The following SPEF2 variants were observed in gnomAD, a reference collection of about 807,000 sequenced individuals.
SPEF2 encodes the protein sperm flagellar and cilia associated 2.
A neutral mutation model predicts 224.6 loss-of-function variants in SPEF2; 187 were observed. The ratio of observed to expected loss-of-function variants is 0.83; its 90% CI spans 0.74 to 0.94. The LOEUF (loss-of-function observed/expected upper bound fraction) is 0.94. Ranked by LOEUF, SPEF2 falls within the 40% of genes least tolerant of loss-of-function variation. The pLI, the probability that SPEF2 is intolerant of heterozygous loss-of-function variation, is 0.00. For missense variants in SPEF2, 2,170 were observed against 2,135.6 expected (o/e 1.02, Z -0.32); for synonymous variants, 715 against 707.3 (o/e 1.01, Z -0.17).
intron 27 of SPEF2, among the ~76,000 whole-genome samples, chr5:35,773,395 T>C (rs1429233081): frequency 6.6e-6 from 1 of 152,052 alleles, no homozygotes; most frequent in East Asian, 1.9e-4. Context: ...AATAATCATA[T>C]TTAAAGAGAT....
Position 35,741,208 on chromosome 5 carries a change from G to C in SPEF2, c.3330+941G>C, listed in dbSNP as rs1034192109. The stretch of plus-strand genomic sequence containing the variant: ...AGTGAATGTGTCCTTAGTCATAAGA[G>C]CTATGTAGAGAGCAAGAAAGCAAAG... On this transcript the variant is annotated intron_variant, in intron 23 of 36. Coordinates refer to ENST00000356031, the MANE Select transcript of SPEF2 (RefSeq NM_024867.4). Among the ~76,000 whole-genome samples, 4 of 152,194 alleles carry C rather than the reference G, an allele frequency of 2.6e-5. No individual in the cohort carries two copies. The East Asian group carries it at 7.7e-4, about 29-fold the overall frequency.
intron 36 of SPEF2, among the ~76,000 whole-genome samples, chr5:35,810,129 A>T (rs2149879362): frequency 6.6e-6 from 1 of 152,340 alleles, no homozygotes; most frequent in African/African-American, 2.4e-5. Flanking sequence ...AAAAGAAAAT[A>T]GCCAACAGAT....
chr5:35,714,775 G>C (rs1251908106), intron 20 of SPEF2, among the ~76,000 whole-genome samples: 1 of 150,802 alleles, frequency 6.6e-6, no homozygotes, highest in South Asian at 2.1e-4. Context: ...AATTAATCTG[G>C]TGGCATTGCA....
chr5:35,655,338 T>G (rs556657591), intron 7 of SPEF2, among the ~76,000 whole-genome samples: 45 of 152,298 alleles, frequency 3.0e-4, no homozygotes, highest in African/African-American at 1.0e-3. Flanking sequence ...ATTTCTTACA[T>G]TGAACACATA....
chr5:35,688,536 AT>A (rs2149525401), intron 10 of SPEF2, among the ~76,000 whole-genome samples: 1 of 152,218 alleles, frequency 6.6e-6, no homozygotes, highest in South Asian at 2.1e-4. Context: ...ATTTTAACCT[AT>A]TAATGCATAT....
chr5:35,711,630 C>G (rs1451568645), intron 19 of SPEF2, among the ~76,000 whole-genome samples: 1 of 149,558 alleles, frequency 6.7e-6, no homozygotes, highest in Non-Finnish European at 1.5e-5. Context: ...CCCTCCCTCC[C>G]TCGCTATCAT....
intron 23 of SPEF2, among the ~76,000 whole-genome samples, chr5:35,742,401 CA>C (rs533869737): frequency 1.2e-3 from 177 of 152,002 alleles, no homozygotes; most frequent in Non-Finnish European, 2.2e-3. Flanking sequence ...TAAAAATTTA[CA>C]AATTTGAAAA....
At chr5:35,646,926 C>T in intron 5 of SPEF2, 119 bp downstream of exon 5, 2 of 1,055,186 alleles carry the variant, frequency 1.9e-6, no homozygotes, top group Non-Finnish European at 2.7e-6. Context: ...TATCTCTGAC[C>T]TTGTCCTTTC....
intron 10 of SPEF2, chr5:35,670,707 G>A (rs138546873): frequency 3.0e-6 from 3 of 985,546 alleles, no homozygotes; most frequent in East Asian, 2.2e-4. Context: ...AAAAGTATCG[G>A]GTGCCAACTG....
At position 35,704,534 on chromosome 5, in the gene SPEF2, A is replaced by T. The variant is rs749191198; in HGVS notation, c.2399-20A>T. The T allele has an allele frequency of 6.5e-7, 1 of 1,548,288 alleles. No homozygotes were observed. The highest frequency in any genetic ancestry group is 2.3e-5 in the East Asian group (1 of 44,340). ...CTTTGGTTTTGAAAATTATCTAATT[A>T]AATAAATTTTATACCATAGCTGAAG... On this transcript the variant is annotated intron_variant, in intron 16 of 36. Coordinates refer to ENST00000356031, the MANE Select transcript of SPEF2 (RefSeq NM_024867.4).
chr5:35,733,451 G>A (rs1746005224), intron 21 of SPEF2, among the ~76,000 whole-genome samples: 1 of 152,078 alleles, frequency 6.6e-6, no homozygotes, highest in South Asian at 2.1e-4. Context: ...CTTAGAGGAG[G>A]GAATAATACA....
intron 8 of SPEF2, among the ~76,000 whole-genome samples, chr5:35,664,262 T>A (rs1157205418): frequency 7.3e-6 from 1 of 137,646 alleles, no homozygotes; most frequent in Non-Finnish European, 1.5e-5. Flanking sequence ...ACGTTTGCTC[T>A]TGCTCATGAA....
chr5:35,808,741 C>T (rs551812552), intron 36 of SPEF2, among the ~76,000 whole-genome samples: 4 of 147,536 alleles, frequency 2.7e-5, no homozygotes, highest in South Asian at 2.1e-4. Flanking sequence ...TATATATATA[C>T]ACACATATAT....
Position 35,759,560 on chromosome 5 carries a change from TA to T in SPEF2, c.3469-7del. Reference sequence around the variant, plus strand: ...CTTGGATATTAACATTCACATTTGCTATTAAAGGCAGAGCTGAACCGTTTCC... The same window carrying T: ...CTTGGATATTAACATTCACATTTGCTTTAAAGGCAGAGCTGAACCGTTTCC... On this transcript the variant is annotated splice_polypyrimidine_tract_variant and splice_region_variant and intron_variant, in intron 24 of 36. Coordinates refer to ENST00000356031, the MANE Select transcript of SPEF2 (RefSeq NM_024867.4). 5 of 1,561,816 alleles carry T rather than the reference TA, an allele frequency of 3.2e-6. No homozygotes were observed. The highest frequency in any genetic ancestry group is 4.4e-6 in the Non-Finnish European group (5 of 1,145,548).
intron 30 of SPEF2, 67 bp downstream of exon 30, chr5:35,779,413 T>A: frequency 8.0e-7 from 1 of 1,248,886 alleles, no homozygotes; most frequent in Non-Finnish European, 1.1e-6. Flanking sequence ...CAGAAATCAC[T>A]TGCCAACAAG....
Position 35,779,150 on chromosome 5 carries a change from C to T in SPEF2, c.4251C>T (p.His1417=). 2 of 1,613,688 alleles carry T rather than the reference C, an allele frequency of 1.2e-6. No homozygotes were observed. Among genetic ancestry groups the T allele is most frequent in the Non-Finnish European group, 1.7e-6 (2 of 1,179,780 alleles). Residue 1417 remains histidine (H), a synonymous_variant, in exon 30 of 37, where the codon CAC becomes CAT. Transcript: ENST00000356031. Reference sequence around the variant, plus strand: ...AATTAACTGACGTAGCTCGCTATCACATTGAAACATCTACAAAAATTCAGA... The same window carrying T: ...AATTAACTGACGTAGCTCGCTATCATATTGAAACATCTACAAAAATTCAGA... ...TEKLTDVARY[H]IETSTKIQNE...
intron 9 of SPEF2, among the ~76,000 whole-genome samples, chr5:35,669,838 GA>G (rs568604368): frequency 3.0e-4 from 45 of 152,082 alleles, no homozygotes; most frequent in Admixed American, 2.0e-3. Context: ...CCCTTTAAGA[GA>G]AAAGTAGGTT....
chr5:35,683,362 T>G (rs1351858145), intron 10 of SPEF2, among the ~76,000 whole-genome samples: 1 of 152,184 alleles, frequency 6.6e-6, no homozygotes, highest in Admixed American at 6.5e-5. Context: ...CTGTGGCTCA[T>G]GCCAGTAATC....
chr5:35,784,615 A>G (rs769897685), intron 30 of SPEF2, among the ~76,000 whole-genome samples: 12 of 152,228 alleles, frequency 7.9e-5, no homozygotes, highest in Admixed American at 3.3e-4. Flanking sequence ...TGAACTTTCC[A>G]GGAAGAAAAG....
Sources: gnomAD v4.1 joint callset for allele counts (sites outside exome capture counted in the v4.1 genomes callset) on GRCh38, gnomAD v4.1.1 for gene constraint, MANE v1.5 for transcripts, NCBI Gene and HGNC (gene_info 2026-07-23, HGNC 2026-07-21) for gene names.